NGLY1: variants seen among roughly 807,000 people sequenced by gnomAD.
The protein encoded by NGLY1 is N-glycanase 1.
In NGLY1, 68 loss-of-function variants were observed where a neutral mutation model predicts 84.6. That is an observed-to-expected ratio of 0.80 (90% confidence interval 0.66 to 0.98). The LOEUF is 0.98. Among genes scored for constraint, NGLY1 ranks in the 50% least tolerant of loss-of-function variants. The pLI, the probability that NGLY1 is intolerant of heterozygous loss-of-function variation, is 0.00. For synonymous variants in NGLY1, 280 were observed against 275.2 expected, an observed-to-expected ratio of 1.02 and a Z score of -0.17; for missense variants, 779 against 770.2, an observed-to-expected ratio of 1.01 and a Z score of -0.14.
At position 25,783,231 on chromosome 3, in the gene NGLY1, A is replaced by AC; in HGVS notation, c.131+28dup. ...GGTGCCGCGGCCCACCCACCCCGGT[A>AC]CCCGCCGTCCGACCCCGTTGCCCTG... On this transcript the variant is annotated intron_variant, in intron 1 of 11. Coordinates refer to ENST00000280700, the MANE Select transcript of NGLY1 (RefSeq NM_018297.4). The surrounding 1 kb of genome is among the most constrained non-coding windows in gnomAD (Gnocchi z 4.5). The AC allele has an allele frequency of 6.4e-7, 1 of 1,558,652 alleles. No homozygotes were observed. The highest frequency in any genetic ancestry group is 8.8e-7 in the Non-Finnish European group (1 of 1,134,496).
chr3:25,729,820 C>T (rs1705450181), intron 9 of NGLY1: 2 of 152,244 alleles, frequency 1.3e-5, no homozygotes, highest in Non-Finnish European at 2.9e-5. Context: ...GTTCACCCTG[C>T]TTGCTTCTCC....
At chr3:25,779,442 A>G (rs1168792603) in intron 1 of NGLY1, among the ~76,000 whole-genome samples, 1 of 152,246 alleles carries the variant, frequency 6.6e-6, no homozygotes, top group African/African-American at 2.4e-5. Context: ...ATAGTATTAT[A>G]TTCAAAAGAC....
In NGLY1 at chr3:25,783,345, C is replaced by T. The variant is rs1171558522; in HGVS notation, c.46G>A (p.Ala16Thr). The T allele has an allele frequency of 6.3e-7, 1 of 1,575,532 alleles. No individual in the cohort carries two copies. The highest frequency in any genetic ancestry group is 2.4e-5 in the East Asian group (1 of 42,416). ...GTGTTCTGGCAGAGCTCAGCCACGGCCGGGGACGCCGAGCCTGAGGAGCTG... is the reference window on the plus strand; with the variant it reads ...GTGTTCTGGCAGAGCTCAGCCACGGTCGGGGACGCCGAGCCTGAGGAGCTG... The part of the protein sequence containing the change: ...LGSSSGSASP[A>T]VAELCQNTPE... The change falls in exon 1 of 12, where the codon GCC becomes ACC. Residue 16 changes from alanine to threonine, a missense_variant. Ala to Thr is a moderately conservative substitution (Grantham distance 58, BLOSUM62 0). Coordinates refer to ENST00000280700, the MANE Select transcript of NGLY1 (RefSeq NM_018297.4). The surrounding 1 kb of genome is among the most constrained non-coding windows in gnomAD (Gnocchi z 4.5).
intron 4 of NGLY1, among the ~76,000 whole-genome samples, chr3:25,749,060 A>AT (rs1256535557): frequency 6.6e-6 from 1 of 152,210 alleles, no homozygotes; most frequent in Non-Finnish European, 1.5e-5. Flanking sequence ...CTTCATCCCC[A>AT]TTAGCATGGC....
intron 4 of NGLY1, 141 bp from the exon 5 acceptor site, chr3:25,739,940 G>GA: frequency 1.5e-6 from 1 of 649,928 alleles, no homozygotes; most frequent in Non-Finnish European, 2.6e-6. Flanking sequence ...GAGGCAAGAA[G>GA]AAACTGTCAT....
intron 6 of NGLY1, chr3:25,736,507 C>CT (rs1705833152): frequency 1.3e-6 from 1 of 780,736 alleles, no homozygotes; most frequent in Admixed American, 2.8e-5. Flanking sequence ...TCTCTCTGGA[C>CT]TTTAAGGCCC....
At chr3:25,782,960 T>C (rs1371665419) in intron 1 of NGLY1, 1 of 352,200 alleles carries the variant, frequency 2.8e-6, no homozygotes, top group Admixed American at 4.9e-5. Flanking sequence ...CACGCCTTCC[T>C]ACCTCTCCTC....
chr3:25,721,518 C>T (rs1391219985), intron 10 of NGLY1, among the ~76,000 whole-genome samples: 1 of 152,004 alleles, frequency 6.6e-6, no homozygotes, highest in East Asian at 1.9e-4. Flanking sequence ...CTTTGGGAGG[C>T]TGAGGCAGGT....
intron 2 of NGLY1, chr3:25,778,236 A>G (rs1708245049): frequency 6.2e-6 from 1 of 160,364 alleles, no homozygotes; most frequent in African/African-American, 2.4e-5. Context: ...ACAGACAGGT[A>G]GCTAGACTCT....
Position 25,719,890 on chromosome 3 carries a change from T to TTG in NGLY1, c.1789+123_1789+124insCA, listed in dbSNP as rs1704893355. The TTG allele has an allele frequency of 7.9e-6, 7 of 881,342 alleles. No homozygotes were observed. The Admixed American group carries it at 1.3e-4, about 17-fold the overall frequency. The allele number at this position is 881,342 out of a possible 1,614,324, so 54.6% of individuals were successfully genotyped here. ...CACACAGGGTTTATTAAATTTTTTT[T>TTG]TTTTTACTGAAATAGTATTAATAAC... is the stretch of plus-strand genomic sequence containing the variant. On this transcript the variant is annotated intron_variant, in intron 11 of 11. Transcript: ENST00000280700.
At chr3:25,719,967 A>G in intron 11 of NGLY1, 47 bp downstream of exon 11, 1 of 1,496,642 alleles carries the variant, frequency 6.7e-7, no homozygotes, top group Non-Finnish European at 9.2e-7. Context: ...TAGTCTTCAG[A>G]GTGGTAAATA....
intron 3 of NGLY1, among the ~76,000 whole-genome samples, chr3:25,763,820 T>G (rs912699250): frequency 6.6e-6 from 1 of 152,200 alleles, no homozygotes; most frequent in African/African-American, 2.4e-5. Context: ...TGATAATGGT[T>G]GTGCTGTTGG....
intron 10 of NGLY1, among the ~76,000 whole-genome samples, chr3:25,722,968 G>A (rs192894650): frequency 6.6e-6 from 1 of 152,246 alleles, no homozygotes; most frequent in Non-Finnish European, 1.5e-5. Flanking sequence ...AAAGACTTAA[G>A]GAAAGTAATC....
rs1429153517 is a variant in NGLY1 at position 25,720,014 on chromosome 3, C to T, written c.1789G>A (p.Asp597Asn). 8.1e-6 allele frequency: 13 copies of T among 1,606,750 alleles called. No individual in the cohort carries two copies. Among genetic ancestry groups the T allele is most frequent in the Middle Eastern group, 1.7e-4 (1 of 6,028 alleles). ...SDTAQVELTG[D>N]NSLHSYADFS... ...ATTAATTCTCCAGGCAAATGCTTAC[C>T]GCCTGTCAGTTCTACTTGTGCTGTA... The change falls in exon 11 of 12, where the codon GAT becomes AAT. Residue 597 changes from aspartate to asparagine, a missense_variant and splice_region_variant. Physicochemically the swap from Asp to Asn is conservative, Grantham distance 23. Transcript: ENST00000280700.
At chr3:25,749,107 A>T (rs1047056452) in intron 4 of NGLY1, among the ~76,000 whole-genome samples, 4 of 152,206 alleles carry the variant, frequency 2.6e-5, no homozygotes, top group African/African-American at 9.6e-5. Flanking sequence ...AGCGTTGGTA[A>T]AAACAGGGGA....
chr3:25,731,776 C>T (rs147768125), intron 9 of NGLY1, among the ~76,000 whole-genome samples: 4 of 152,092 alleles, frequency 2.6e-5, no homozygotes, highest in African/African-American at 9.7e-5. Context: ...CAACATGTAT[C>T]TCACTGACAC....
At position 25,747,196 on chromosome 3, in the gene NGLY1, C is replaced by T. The variant is rs143665686; in HGVS notation, c.658+3902G>A. Among the ~76,000 whole-genome samples, 512 of 152,250 alleles carry T rather than the reference C, an allele frequency of 3.4e-3. 10 individuals carry two copies. The highest frequency in any genetic ancestry group is 8.3e-3 in the East Asian group (43 of 5,188). On this transcript the variant is annotated intron_variant, in intron 4 of 11. Coordinates refer to ENST00000280700, the MANE Select transcript of NGLY1 (RefSeq NM_018297.4). Reference sequence around the variant, plus strand: ...AGGCTATATTATTATCCTGTCTCTCCCCTGCAGGGCCCAGCCCAATGACTC... The same window carrying T: ...AGGCTATATTATTATCCTGTCTCTCTCCTGCAGGGCCCAGCCCAATGACTC...
Position 25,783,320 on chromosome 3 carries a change from G to C in NGLY1, c.71C>G (p.Thr24Ser), listed in dbSNP as rs746330955. The change falls in exon 1 of 12, where the codon ACC (threonine) becomes AGC (serine). Residue 24 changes from threonine to serine, a missense_variant. By Grantham distance (58) the Thr-to-Ser change is moderately conservative (BLOSUM62 1). Coordinates refer to ENST00000280700, the MANE Select transcript of NGLY1 (RefSeq NM_018297.4). This position sits in a 1 kb window ranked among gnomAD's most constrained non-coding sequence, Gnocchi z 4.5. ...SPAVAELCQNTPETFLEASKL... is the reference protein window; with the variant it reads ...SPAVAELCQNSPETFLEASKL... ...GGAGGCCTCCAAAAAGGTCTCCGGGGTGTTCTGGCAGAGCTCAGCCACGGC... is the reference window on the plus strand; with the variant it reads ...GGAGGCCTCCAAAAAGGTCTCCGGGCTGTTCTGGCAGAGCTCAGCCACGGC... The C allele has an allele frequency of 6.2e-7, 1 of 1,602,326 alleles. No homozygotes were observed. Among genetic ancestry groups the C allele is most frequent in the Non-Finnish European group, 8.5e-7 (1 of 1,175,368 alleles).
At chr3:25,787,546 CA>C (rs1309977099), upstream of NGLY1, among the ~76,000 whole-genome samples, 1 of 152,128 alleles carries the variant, frequency 6.6e-6, no homozygotes, top group African/African-American at 2.4e-5. Context: ...TGTCAGGAAC[CA>C]GGCTGGTAAG....
Sources: gnomAD v4.1 joint callset for allele counts (sites outside exome capture counted in the v4.1 genomes callset) on GRCh38, gnomAD v4.1.1 for gene constraint, Gnocchi (gnomAD v3.1) non-coding constraint, MANE v1.5 for transcripts, NCBI Gene and HGNC (gene_info 2026-07-23, HGNC 2026-07-21) for gene names.